Variants in ZPLD1 observed in about 807,000 individuals in gnomAD.
ZPLD1 encodes zona pellucida like domain containing 1.
In ZPLD1, 34 loss-of-function variants were observed where a neutral mutation model predicts 47.2. That is an observed-to-expected ratio of 0.72 (90% CI 0.55 to 0.96). The LOEUF is 0.96. ZPLD1 is among the 40% of genes least tolerant of loss of function. The probability of loss-of-function intolerance (pLI) is 0.00; values close to 1 mark genes in which losing one functional copy is unlikely to be tolerated. For missense variants in ZPLD1, 512 were observed against 505.8 expected (o/e 1.01, Z -0.12); for synonymous variants, 176 against 186.2 (o/e 0.95, Z 0.45).
rs564239486 is a variant in ZPLD1 at position 102,449,313 on chromosome 3, A to G, written c.107-3606A>G. On this transcript the variant is annotated intron_variant, in intron 3 of 11. Coordinates refer to ENST00000466937, the MANE Select transcript of ZPLD1 (RefSeq NM_001329788.2). ...ACGCTACTCCATAGCTCTCCACGCA[A>G]TCTTTCTGTCAATGTGGGTCACGCT... Among the ~76,000 whole-genome samples the G allele has an allele frequency of 3.9e-5, 6 of 152,276 alleles. No individual in the cohort carries two copies. The South Asian group carries it at 1.0e-3, about 26-fold the overall frequency.
chr3:102,388,194 C>T (rs937224301), intron 6 of ZPLD1, among the ~76,000 whole-genome samples: 15 of 152,112 alleles, frequency 9.9e-5, no homozygotes, highest in Non-Finnish European at 2.1e-4. Flanking sequence ...TTTTTTCTGT[C>T]GTGATTTTCA....
In ZPLD1 at chr3:102,462,336, C is replaced by T; in HGVS notation, c.638C>T (p.Thr213Ile). ...IIPSIGLPLK[T>I]KVFAAVQATN... ...CCCAGTATAGGATTACCTTTGAAAA[C>T]CAAAGTATTTGCAGCTGTCCAAGCC... is the stretch of plus-strand genomic sequence containing the variant. Residue 213 changes from threonine (T) to isoleucine (I), a missense_variant, in exon 7 of 12, where the codon ACC (threonine) becomes ATC (isoleucine). Coordinates refer to ENST00000466937, the MANE Select transcript of ZPLD1 (RefSeq NM_001329788.2). 1 of 1,611,624 alleles carries T rather than the reference C, an allele frequency of 6.2e-7. No homozygotes were observed. The highest frequency in any genetic ancestry group is 1.7e-4 in the Middle Eastern group (1 of 6,044).
chr3:102,434,673 G>C (rs1375611294), upstream of ZPLD1, among the ~76,000 whole-genome samples: 1 of 152,154 alleles, frequency 6.6e-6, no homozygotes, highest in Non-Finnish European at 1.5e-5. Context: ...ATCTCAGACT[G>C]TGGTATTAAT....
intron 10 of ZPLD1, among the ~76,000 whole-genome samples, chr3:102,475,518 C>T (rs370960353): frequency 6.6e-6 from 1 of 152,124 alleles, no homozygotes; most frequent in East Asian, 1.9e-4. Context: ...TATATATTCT[C>T]CTCCTATGTT....
At chr3:102,413,427 C>T (rs1706767662) in intron 7 of ZPLD1, among the ~76,000 whole-genome samples, 1 of 151,742 alleles carries the variant, frequency 6.6e-6, no homozygotes. Flanking sequence ...GCTTATTTTA[C>T]ATTATTAAAT....
At chr3:102,443,005 A>G (rs1707204763) in intron 3 of ZPLD1, among the ~76,000 whole-genome samples, 1 of 152,206 alleles carries the variant, frequency 6.6e-6, no homozygotes, top group South Asian at 2.1e-4. Flanking sequence ...GGTTAAAGTA[A>G]AACATACAGA....
At chr3:102,393,932 T>G (rs1324749874) in intron 7 of ZPLD1, among the ~76,000 whole-genome samples, 1 of 152,166 alleles carries the variant, frequency 6.6e-6, no homozygotes, top group Non-Finnish European at 1.5e-5. Context: ...TTTGATAGGT[T>G]GAAAATTGCT....
chr3:102,409,649 C>T (rs1409291408), intron 7 of ZPLD1, among the ~76,000 whole-genome samples: 1 of 151,724 alleles, frequency 6.6e-6, no homozygotes. Context: ...GGAAGGAACA[C>T]CTCCTCTGAA....
At chr3:102,474,299 T>A (rs1576170124) in intron 10 of ZPLD1, among the ~76,000 whole-genome samples, 1 of 152,212 alleles carries the variant, frequency 6.6e-6, no homozygotes, top group Admixed American at 6.5e-5. Context: ...CTAATTGTTT[T>A]GTTTACTTAA....
At chr3:102,428,673 T>TA (rs919428050) in intron 8 of ZPLD1, among the ~76,000 whole-genome samples, 1 of 151,068 alleles carries the variant, frequency 6.6e-6, no homozygotes, top group African/African-American at 2.4e-5. Flanking sequence ...GCTTAAAAAT[T>TA]AAAAAAATAA....
chr3:102,460,253 A>G (rs554260511), intron 6 of ZPLD1, among the ~76,000 whole-genome samples: 1 of 152,000 alleles, frequency 6.6e-6, no homozygotes, highest in Non-Finnish European at 1.5e-5. Context: ...ATGAAATTTT[A>G]TATTACATCC....
upstream of ZPLD1, among the ~76,000 whole-genome samples, chr3:102,431,861 A>G (rs558672256): frequency 1.3e-5 from 2 of 152,354 alleles, no homozygotes; most frequent in Admixed American, 6.5e-5. Context: ...GTGAGCCCAG[A>G]TTGTGCCATT....
At chr3:102,390,637 G>C (rs894931264) in intron 6 of ZPLD1, among the ~76,000 whole-genome samples, 16 of 152,192 alleles carry the variant, frequency 1.1e-4, no homozygotes, top group African/African-American at 3.9e-4. Context: ...AACATGAAGT[G>C]CATGGTTTGC....
intron 2 of ZPLD1, among the ~76,000 whole-genome samples, 187 bp from the exon 3 acceptor site, chr3:102,438,293 A>G (rs1707121159): frequency 6.6e-6 from 1 of 152,196 alleles, no homozygotes; most frequent in African/African-American, 2.4e-5. Context: ...GATGAAAACA[A>G]TATTGAAATG....
chr3:102,387,914 G>T (rs533581773), intron 6 of ZPLD1, among the ~76,000 whole-genome samples: 1 of 134,942 alleles, frequency 7.4e-6, no homozygotes, highest in Admixed American at 8.4e-5. Flanking sequence ...AGGCTGGAGT[G>T]CAGTGGTGCG....
chr3:102,470,514 C>G lies in ZPLD1; in HGVS notation c.1042+12C>G, dbSNP rs757495478. 2 of 1,608,726 alleles carry G rather than the reference C, an allele frequency of 1.2e-6. No homozygotes were observed. Among genetic ancestry groups the G allele is most frequent in the South Asian group, 2.2e-5 (2 of 90,870 alleles). Reference sequence around the variant, plus strand: ...CATTACTCGGAGTGGTAAGTGTGCTCCTCCTTCTGTATGTAGTAATAGACG... The same window carrying G: ...CATTACTCGGAGTGGTAAGTGTGCTGCTCCTTCTGTATGTAGTAATAGACG... On this transcript the variant is annotated intron_variant, in intron 10 of 11. Coordinates refer to ENST00000466937, the MANE Select transcript of ZPLD1 (RefSeq NM_001329788.2).
chr3:102,451,023 G>A (rs546819845), intron 3 of ZPLD1, among the ~76,000 whole-genome samples: 18 of 151,970 alleles, frequency 1.2e-4, no homozygotes, highest in African/African-American at 1.9e-4. Context: ...ATATTGCGTC[G>A]AATTTCCTAT....
intron 3 of ZPLD1, among the ~76,000 whole-genome samples, chr3:102,447,802 A>T (rs1222940279): frequency 6.6e-6 from 1 of 152,182 alleles, no homozygotes; most frequent in Non-Finnish European, 1.5e-5. Flanking sequence ...ATGCAAATAT[A>T]TTTTCAGTAA....
chr3:102,456,345 A>G lies in ZPLD1; in HGVS notation c.480A>G (p.Glu160=), dbSNP rs1265840248. The stretch of plus-strand genomic sequence containing the variant: ...AATTTAGTTGTAGTTATCCATTGGA[A>G]TACCTGGTTAATAATACCCAGCTTG... ...LYKFSCSYPL[E]YLVNNTQLAS... The change falls in exon 5 of 12, where the codon GAA becomes GAG. Residue 160 remains glutamate (E), a synonymous_variant. Coordinates refer to ENST00000466937, the MANE Select transcript of ZPLD1 (RefSeq NM_001329788.2). The G allele has an allele frequency of 1.2e-6, 2 of 1,612,948 alleles. No individual in the cohort carries two copies. Among genetic ancestry groups the G allele is most frequent in the Non-Finnish European group, 1.7e-6 (2 of 1,179,588 alleles).
Sources: gnomAD v4.1 joint callset for allele counts (sites outside exome capture counted in the v4.1 genomes callset) on GRCh38, gnomAD v4.1.1 for gene constraint, MANE v1.5 for transcripts, NCBI Gene and HGNC (gene_info 2026-07-23, HGNC 2026-07-21) for gene names.